PPA2: variants seen among roughly 807,000 people sequenced by gnomAD.
PPA2 encodes inorganic pyrophosphatase 2, mitochondrial.
Under a neutral mutation model 49.5 loss-of-function variants are expected in PPA2, and 48 were observed. The ratio of observed to expected loss-of-function variants is 0.97; its 90% CI spans 0.77 to 1.23. PPA2 has a LOEUF of 1.23. Among genes scored for constraint, PPA2 ranks in the 50% most tolerant of loss-of-function variants. The probability of loss-of-function intolerance (pLI) is 0.00; values close to 1 mark genes in which losing one functional copy is unlikely to be tolerated. For synonymous variants in PPA2, 131 were observed against 139.9 expected, an observed-to-expected ratio of 0.94 and a Z score of 0.45; for missense variants, 429 against 410.1, an observed-to-expected ratio of 1.05 and a Z score of -0.40.
intron 10 of PPA2, among the ~76,000 whole-genome samples, chr4:105,377,960 T>A (rs1314519436): frequency 2.0e-5 from 3 of 152,202 alleles, no homozygotes; most frequent in Non-Finnish European, 4.4e-5. Context: ...TGGGTTGTTT[T>A]CAGTTTCTGT....
chr4:105,388,680 C>G (rs1296326698), intron 9 of PPA2, among the ~76,000 whole-genome samples: 2 of 151,876 alleles, frequency 1.3e-5, no homozygotes, highest in Non-Finnish European at 2.9e-5. Flanking sequence ...CAAAAATTAG[C>G]CAGGCATGGT....
chr4:105,401,806 G>A (rs1722204392), intron 7 of PPA2, among the ~76,000 whole-genome samples: 1 of 152,132 alleles, frequency 6.6e-6, no homozygotes, highest in Admixed American at 6.5e-5. Flanking sequence ...GGACTGATTA[G>A]TAAAGACTCT....
intron 1 of PPA2, chr4:105,473,530 T>A (rs768901365): frequency 2.0e-6 from 1 of 501,354 alleles, no homozygotes; most frequent in Non-Finnish European, 3.8e-6. Flanking sequence ...CTGAGTTGTG[T>A]GAACCGGGAA....
chr4:105,407,556 T>C, intron 7 of PPA2, among the ~76,000 whole-genome samples: 1 of 152,192 alleles, frequency 6.6e-6, no homozygotes, highest in East Asian at 1.9e-4. Context: ...AGAGCAACTT[T>C]ATTCACATTA....
At chr4:105,454,076 G>A (rs1001469755) in intron 2 of PPA2, among the ~76,000 whole-genome samples, 1 of 152,058 alleles carries the variant, frequency 6.6e-6, no homozygotes, top group Non-Finnish European at 1.5e-5. Context: ...TGATTACTAG[G>A]CCTCCACCAA....
At chr4:105,386,930 T>C (rs1210324625) in intron 9 of PPA2, among the ~76,000 whole-genome samples, 1 of 152,128 alleles carries the variant, frequency 6.6e-6, no homozygotes, top group Admixed American at 6.5e-5. Flanking sequence ...TACACCACAA[T>C]TGCACTTCAC....
chr4:105,444,049 T>C (rs1304192313), intron 5 of PPA2, among the ~76,000 whole-genome samples: 1 of 152,224 alleles, frequency 6.6e-6, no homozygotes, highest in East Asian at 1.9e-4. Context: ...TTATTGTCTG[T>C]TTATCTGACT....
chr4:105,470,217 T>C (rs1352261231), intron 1 of PPA2, among the ~76,000 whole-genome samples: 2 of 152,196 alleles, frequency 1.3e-5, no homozygotes, highest in Non-Finnish European at 2.9e-5. Flanking sequence ...ACGCAAGATA[T>C]CAAAGGAATA....
chr4:105,441,862 C>T (rs1050149214), intron 5 of PPA2, among the ~76,000 whole-genome samples: 7 of 152,164 alleles, frequency 4.6e-5, no homozygotes, highest in Non-Finnish European at 1.5e-5. Flanking sequence ...TTTCTAATCA[C>T]CACACTCTGG....
chr4:105,462,150 C>T (rs756040517), intron 1 of PPA2, among the ~76,000 whole-genome samples: 4 of 151,942 alleles, frequency 2.6e-5, no homozygotes, highest in Non-Finnish European at 5.9e-5. Flanking sequence ...ATGGAACAAG[C>T]GCTGTGGCAA....
intron 7 of PPA2, among the ~76,000 whole-genome samples, chr4:105,417,823 C>T (rs1723081032): frequency 1.3e-5 from 2 of 152,036 alleles, no homozygotes; most frequent in Non-Finnish European, 1.5e-5. Flanking sequence ...TCTTAGAAAG[C>T]GACAAGGTCC....
intron 9 of PPA2, among the ~76,000 whole-genome samples, chr4:105,394,998 C>T (rs2110388836): frequency 6.6e-6 from 1 of 152,086 alleles, no homozygotes. Flanking sequence ...GACTAGAGGA[C>T]ATTCAATCAT....
intron 7 of PPA2, among the ~76,000 whole-genome samples, chr4:105,403,197 T>G (rs535355836): frequency 2.2e-4 from 34 of 152,116 alleles, no homozygotes; most frequent in African/African-American, 7.7e-4. Context: ...CTAATCTTTT[T>G]TGTTTGTTTG....
intron 4 of PPA2, 136 bp downstream of exon 4, chr4:105,449,214 C>T: frequency 4.0e-6 from 1 of 247,026 alleles, no homozygotes; most frequent in Admixed American, 1.3e-4. Flanking sequence ...GAGACTCCGT[C>T]TCAAAAAAAA....
chr4:105,464,124 G>T (rs904165813), intron 1 of PPA2, among the ~76,000 whole-genome samples: 1 of 152,158 alleles, frequency 6.6e-6, no homozygotes, highest in Non-Finnish European at 1.5e-5. Context: ...GCAAGGAGGG[G>T]GACTATACCC....
chr4:105,466,611 T>C (rs1314744962), intron 1 of PPA2, among the ~76,000 whole-genome samples: 1 of 152,108 alleles, frequency 6.6e-6, no homozygotes, highest in African/African-American at 2.4e-5. Flanking sequence ...ATGGAATCAG[T>C]TTATTATAAT....
At chr4:105,381,703 T>C (rs1158848512) in intron 10 of PPA2, among the ~76,000 whole-genome samples, 1 of 152,154 alleles carries the variant, frequency 6.6e-6, no homozygotes, top group Non-Finnish European at 1.5e-5. Context: ...GTCTTATGCC[T>C]GTAGTTATGT....
At chr4:105,473,535 C>G (rs773455814) in intron 1 of PPA2, 3 of 506,818 alleles carry the variant, frequency 5.9e-6, no homozygotes, top group Middle Eastern at 3.2e-4. Context: ...TTGTGTGAAC[C>G]GGGAACGGCG....
chr4:105,373,488 A>T (rs1285749650), intron 10 of PPA2, among the ~76,000 whole-genome samples: 3 of 152,128 alleles, frequency 2.0e-5, no homozygotes, highest in African/African-American at 4.8e-5. Context: ...TTAGCTGTTT[A>T]GATTTCCTGC....
Sources: gnomAD v4.1 joint callset for allele counts (sites outside exome capture counted in the v4.1 genomes callset) on GRCh38, gnomAD v4.1.1 for gene constraint, MANE v1.5 for transcripts, NCBI Gene and HGNC (gene_info 2026-07-23, HGNC 2026-07-21) for gene names.